BCL2L2: variants seen among roughly 807,000 people sequenced by gnomAD.
BCL2L2 encodes the protein BCL2 like 2.
A neutral mutation model predicts 14.6 loss-of-function variants in BCL2L2; 6 were observed. The ratio of observed to expected loss-of-function variants is 0.41; its 90% CI spans 0.22 to 0.81. The LOEUF (loss-of-function observed/expected upper bound fraction) is 0.81. Among genes scored for constraint, BCL2L2 ranks in the 30% least tolerant of loss-of-function variants. The pLI, the probability that BCL2L2 is intolerant of heterozygous loss-of-function variation, is 0.32. For synonymous variants in BCL2L2, 90 were observed against 108.5 expected (o/e 0.83, Z 1.06); for missense variants, 191 against 260.5 (o/e 0.73, Z 1.84).
Position 23,311,032 on chromosome 14 carries a change from C to G in BCL2L2, c.*2067C>G. On this transcript the variant is annotated 3_prime_UTR_variant, in exon 4 of 4. Transcript: ENST00000250405. The stretch of plus-strand genomic sequence containing the variant: ...CAGGACACATATCCCTGTTAGCATT[C>G]CCCGGGACCTTTAGCCAAGAGGAGC... 1.6e-6 allele frequency: 2 copies of G among 1,289,516 alleles called. No individual in the cohort carries two copies. The highest frequency in any genetic ancestry group is 2.5e-5 in the South Asian group (2 of 81,024). The allele number at this position is 1,289,516 out of a possible 1,614,324, so 79.9% of individuals were successfully genotyped here. A position where few individuals can be genotyped will look rare whatever the true frequency, so the allele number is the denominator to read the frequency against.
chr14:23,307,729 C>A, intron 2 of BCL2L2, 31 bp from the exon 3 acceptor site: 1 of 1,515,756 alleles, frequency 6.6e-7, no homozygotes, highest in South Asian at 1.3e-5. Flanking sequence ...TTCATATATT[C>A]ATGCCAGTCT....
In BCL2L2 at chr14:23,309,682, G is replaced by A. The variant is rs1289563337; in HGVS notation, c.*717G>A. ...GTGATTGGCAAGGCTTTGGAGAGAA[G>A]AGCAGTTCTGCAGCTGGCCTTGTTC... On this transcript the variant is annotated 3_prime_UTR_variant, in exon 4 of 4. Coordinates refer to ENST00000250405, the MANE Select transcript of BCL2L2 (RefSeq NM_004050.5). The A allele has an allele frequency of 3.0e-6, 3 of 985,546 alleles. No homozygotes were observed. Among genetic ancestry groups the A allele is most frequent in the Admixed American group, 6.1e-5 (1 of 16,276 alleles). 61.1% of individuals were successfully genotyped at this position (985,546 alleles called of 1,614,324 possible).
Position 23,311,048 on chromosome 14 carries a change from C to T in BCL2L2, c.*2083C>T, listed in dbSNP as rs1256906659. The T allele has an allele frequency of 7.8e-7, 1 of 1,289,472 alleles. No individual in the cohort carries two copies. The highest frequency in any genetic ancestry group is 2.1e-4 in the Middle Eastern group (1 of 4,686). 79.9% of individuals were successfully genotyped at this position (1,289,472 alleles called of 1,614,324 possible). A position where few individuals can be genotyped will look rare whatever the true frequency, so the allele number is the denominator to read the frequency against. Reference sequence around the variant, plus strand: ...GTTAGCATTCCCCGGGACCTTTAGCCAAGAGGAGCTGCAGGGACCATGGCC... The same window carrying T: ...GTTAGCATTCCCCGGGACCTTTAGCTAAGAGGAGCTGCAGGGACCATGGCC... On this transcript the variant is annotated 3_prime_UTR_variant, in exon 4 of 4. Transcript: ENST00000250405.
At position 23,309,053 on chromosome 14, in the gene BCL2L2, G is replaced by A. The variant is rs879080604; in HGVS notation, c.*88G>A. ...AAATGCCCTTGGAAGAAGTGGAGTT[G>A]GTGGATGGGTGGGCATGGAACAGGA... On this transcript the variant is annotated 3_prime_UTR_variant, in exon 4 of 4. Transcript: ENST00000250405. 1.2e-5 allele frequency: 15 copies of A among 1,292,612 alleles called. No individual in the cohort carries two copies. The South Asian group carries it at 3.7e-4, about 32-fold the overall frequency. The allele number at this position is 1,292,612 out of a possible 1,614,324, so 80.1% of individuals were successfully genotyped here.
chr14:23,311,355 A>AT lies in BCL2L2; in HGVS notation c.*2396dup. 9.2e-7 allele frequency: 1 copy of AT among 1,086,082 alleles called. No individual in the cohort carries two copies. Among genetic ancestry groups the AT allele is most frequent in the Non-Finnish European group, 1.1e-6 (1 of 891,032 alleles). 67.3% of individuals were successfully genotyped at this position (1,086,082 alleles called of 1,614,324 possible). ...GGTTCCCAATTTTTAAATCCATTTCATTTTTTAAAAAATAAGGGAAATAAA... is the reference window on the plus strand; with the variant it reads ...GGTTCCCAATTTTTAAATCCATTTCATTTTTTTAAAAAATAAGGGAAATAAA... On this transcript the variant is annotated 3_prime_UTR_variant, in exon 4 of 4. Transcript: ENST00000250405.
In BCL2L2 at chr14:23,309,345, G is replaced by C; in HGVS notation, c.*380G>C. 1 of 1,024,150 alleles carries C rather than the reference G, an allele frequency of 9.8e-7. No individual in the cohort carries two copies. Among genetic ancestry groups the C allele is most frequent in the Non-Finnish European group, 1.2e-6 (1 of 855,670 alleles). The allele number at this position is 1,024,150 out of a possible 1,614,324, so 63.4% of individuals were successfully genotyped here. ...AGATGAGTGGGATTTAGGGAACGCAGAAGGCACATCCCTTTGGAATGGAAG... is the reference window on the plus strand; with the variant it reads ...AGATGAGTGGGATTTAGGGAACGCACAAGGCACATCCCTTTGGAATGGAAG... On this transcript the variant is annotated 3_prime_UTR_variant, in exon 4 of 4. Coordinates refer to ENST00000250405, the MANE Select transcript of BCL2L2 (RefSeq NM_004050.5).
Position 23,308,264 on chromosome 14 carries a change from G to T in BCL2L2, c.432+65G>T. Reference sequence around the variant, plus strand: ...CAAAGCTGGTCTCCAGGGGGAAGATGGGGGCTCTGATTGGAGGCTGAGGCA... The same window carrying T: ...CAAAGCTGGTCTCCAGGGGGAAGATTGGGGCTCTGATTGGAGGCTGAGGCA... On this transcript the variant is annotated intron_variant, in intron 3 of 3. Coordinates refer to ENST00000250405, the MANE Select transcript of BCL2L2 (RefSeq NM_004050.5). This position sits in a 1 kb window ranked among gnomAD's most constrained non-coding sequence, Gnocchi z 5.4. 1 of 1,497,472 alleles carries T rather than the reference G, an allele frequency of 6.7e-7. No homozygotes were observed. Among genetic ancestry groups the T allele is most frequent in the South Asian group, 1.3e-5 (1 of 74,238 alleles). The allele number at this position is 1,497,472 out of a possible 1,614,324, so 92.8% of individuals were successfully genotyped here.
Position 23,310,361 on chromosome 14 carries a change from T to C in BCL2L2, c.*1396T>C. 2.0e-6 allele frequency: 2 copies of C among 988,476 alleles called. No homozygotes were observed. The highest frequency in any genetic ancestry group is 5.2e-4 in the Middle Eastern group (1 of 1,916). The allele number at this position is 988,476 out of a possible 1,614,324, so 61.2% of individuals were successfully genotyped here. On this transcript the variant is annotated 3_prime_UTR_variant, in exon 4 of 4. Transcript: ENST00000250405. Reference sequence around the variant, plus strand: ...CTTTCCAAGGTGCTAAGATTGCTGCTCTCCAATGCTAACTTTCTGACACAG... The same window carrying C: ...CTTTCCAAGGTGCTAAGATTGCTGCCCTCCAATGCTAACTTTCTGACACAG...
chr14:23,307,796 C>A lies in BCL2L2; in HGVS notation c.29C>A (p.Thr10Lys). The A allele has an allele frequency of 1.3e-6, 2 of 1,539,864 alleles. No homozygotes were observed. Among genetic ancestry groups the A allele is most frequent in the South Asian group, 1.3e-5 (1 of 79,296 alleles). The change falls in exon 3 of 4, where the codon ACA (threonine) becomes AAA (lysine). Residue 10 changes from threonine to lysine, a missense_variant. Transcript: ENST00000250405. MATPASAPD[T>K]RALVADFVGY... ...GCGACCCCAGCCTCGGCCCCAGACACACGGGCTCTGGTGGCAGACTTTGTA... is the reference window on the plus strand; with the variant it reads ...GCGACCCCAGCCTCGGCCCCAGACAAACGGGCTCTGGTGGCAGACTTTGTA...
In BCL2L2 at chr14:23,310,239, C is replaced by T. The variant is rs1268467267; in HGVS notation, c.*1274C>T. On this transcript the variant is annotated 3_prime_UTR_variant, in exon 4 of 4. Coordinates refer to ENST00000250405, the MANE Select transcript of BCL2L2 (RefSeq NM_004050.5). ...GTCTGAGGATGTTAACTTTGGAACT[C>T]GCAGTCCTCTAGAACAGCTTCAGAT... The T allele has an allele frequency of 2.1e-5, 21 of 985,862 alleles. No homozygotes were observed. Among genetic ancestry groups the T allele is most frequent in the East Asian group, 1.1e-4 (1 of 8,816 alleles). 61.1% of individuals were successfully genotyped at this position (985,862 alleles called of 1,614,324 possible).
rs2138425146 is a variant in BCL2L2 at position 23,308,453 on chromosome 14, G to T, written c.432+254G>T. ...ACACACCCAAGGAGTGCCTGCAGGG[G>T]AATGTTGTCAGGGACTTTTTACATC... On this transcript the variant is annotated intron_variant, in intron 3 of 3. Transcript: ENST00000250405. The surrounding 1 kb of genome is among the most constrained non-coding windows in gnomAD (Gnocchi z 5.4). Among the ~76,000 whole-genome samples, 1 of 152,266 alleles carries T rather than the reference G, an allele frequency of 6.6e-6. No individual in the cohort carries two copies. Among genetic ancestry groups the T allele is most frequent in the East Asian group, 1.9e-4 (1 of 5,170 alleles).
At position 23,311,544 on chromosome 14, in the gene BCL2L2, C is replaced by T. The variant is rs534947062; in HGVS notation, c.*2579C>T. On this transcript the variant is annotated 3_prime_UTR_variant, in exon 4 of 4. Transcript: ENST00000250405. The stretch of plus-strand genomic sequence containing the variant: ...CACTCCCCACTTATTCTAGGGCACA[C>T]AAACACTATTTTACTTTTTTAAAAT... 1 of 987,918 alleles carries T rather than the reference C, an allele frequency of 1.0e-6. No individual in the cohort carries two copies. The highest frequency in any genetic ancestry group is 1.2e-6 in the Non-Finnish European group (1 of 831,842). 61.2% of individuals were successfully genotyped at this position (987,918 alleles called of 1,614,324 possible).
In BCL2L2 at chr14:23,310,945, A is replaced by G; in HGVS notation, c.*1980A>G. 7.8e-7 allele frequency: 1 copy of G among 1,289,608 alleles called. No individual in the cohort carries two copies. Among genetic ancestry groups the G allele is most frequent in the East Asian group, 5.5e-5 (1 of 18,028 alleles). The allele number at this position is 1,289,608 out of a possible 1,614,324, so 79.9% of individuals were successfully genotyped here. A position where few individuals can be genotyped will look rare whatever the true frequency, so the allele number is the denominator to read the frequency against. On this transcript the variant is annotated 3_prime_UTR_variant, in exon 4 of 4. Transcript: ENST00000250405. ...AACCACTGACTAGACCATCGGCTCCAAATTGGAGTCTGTGCTTCCTTCCCC... is the reference window on the plus strand; with the variant it reads ...AACCACTGACTAGACCATCGGCTCCGAATTGGAGTCTGTGCTTCCTTCCCC...
Position 23,311,275 on chromosome 14 carries a change from C to T in BCL2L2, c.*2310C>T, listed in dbSNP as rs1002373263. 2.0e-5 allele frequency: 24 copies of T among 1,186,742 alleles called. No individual in the cohort carries two copies. The African/African-American group carries it at 3.6e-4, about 18-fold the overall frequency. The allele number at this position is 1,186,742 out of a possible 1,614,324, so 73.5% of individuals were successfully genotyped here. ...TCTGTCAGGGAAAACTAGGGACTCT[C>T]TTCTAGAGCCATATAGTTCCTTGGG... On this transcript the variant is annotated 3_prime_UTR_variant, in exon 4 of 4. Coordinates refer to ENST00000250405, the MANE Select transcript of BCL2L2 (RefSeq NM_004050.5).
Position 23,309,148 on chromosome 14 carries a change from C to G in BCL2L2, c.*183C>G. On this transcript the variant is annotated 3_prime_UTR_variant, in exon 4 of 4. Transcript: ENST00000250405. ...TAGGCGATTGGAAGAGTGAGCAGGA[C>G]ACAGAGGGGAGGGGAATGTTTTGGC... is the stretch of plus-strand genomic sequence containing the variant. 1 of 1,220,406 alleles carries G rather than the reference C, an allele frequency of 8.2e-7. No homozygotes were observed. The highest frequency in any genetic ancestry group is 1.0e-6 in the Non-Finnish European group (1 of 976,044). The allele number at this position is 1,220,406 out of a possible 1,614,324, so 75.6% of individuals were successfully genotyped here. A position where few individuals can be genotyped will look rare whatever the true frequency, so the allele number is the denominator to read the frequency against.
At position 23,309,106 on chromosome 14, in the gene BCL2L2, G is replaced by T. The variant is rs1376791688; in HGVS notation, c.*141G>T. On this transcript the variant is annotated 3_prime_UTR_variant, in exon 4 of 4. Transcript: ENST00000250405. ...GGCAGAGAAAGGGTAGTGTGTGAGGGAGCTGAGTAGGCCAGGTAGGCGATT... is the reference window on the plus strand; with the variant it reads ...GGCAGAGAAAGGGTAGTGTGTGAGGTAGCTGAGTAGGCCAGGTAGGCGATT... The T allele has an allele frequency of 2.4e-6, 3 of 1,249,654 alleles. No homozygotes were observed. The highest frequency in any genetic ancestry group is 3.0e-6 in the Non-Finnish European group (3 of 990,344). The allele number at this position is 1,249,654 out of a possible 1,614,324, so 77.4% of individuals were successfully genotyped here.
chr14:23,308,420 G>A lies in BCL2L2; in HGVS notation c.432+221G>A, dbSNP rs1887391614. 6.6e-6 allele frequency among the ~76,000 whole-genome samples: 1 copy of A among 152,112 alleles called. No individual in the cohort carries two copies. The highest frequency in any genetic ancestry group is 1.5e-5 in the Non-Finnish European group (1 of 68,022). ...GATGGGCTCATGGTCCCAAGCAGAGGACAGAATACACACCCAAGGAGTGCC... is the reference window on the plus strand; with the variant it reads ...GATGGGCTCATGGTCCCAAGCAGAGAACAGAATACACACCCAAGGAGTGCC... On this transcript the variant is annotated intron_variant, in intron 3 of 3. Coordinates refer to ENST00000250405, the MANE Select transcript of BCL2L2 (RefSeq NM_004050.5). The surrounding 1 kb of genome is among the most constrained non-coding windows in gnomAD (Gnocchi z 5.4).
At chr14:23,307,644 G>A in intron 2 of BCL2L2, 116 bp from the exon 3 acceptor site, 1 of 1,370,856 alleles carries the variant, frequency 7.3e-7, no homozygotes, top group Non-Finnish European at 9.7e-7. Flanking sequence ...CCTGTCCAGT[G>A]AGTCCTGAGC....
At position 23,308,333 on chromosome 14, in the gene BCL2L2, A is replaced by T; in HGVS notation, c.432+134A>T. 1.6e-6 allele frequency: 2 copies of T among 1,282,662 alleles called. No individual in the cohort carries two copies. The highest frequency in any genetic ancestry group is 2.5e-5 in the East Asian group (1 of 39,260). The allele number at this position is 1,282,662 out of a possible 1,614,324, so 79.5% of individuals were successfully genotyped here. On this transcript the variant is annotated intron_variant, in intron 3 of 3. Coordinates refer to ENST00000250405, the MANE Select transcript of BCL2L2 (RefSeq NM_004050.5). The surrounding 1 kb of genome is among the most constrained non-coding windows in gnomAD (Gnocchi z 5.4). ...TACGGGGCTGAGTCTCCCCGTCTGG[A>T]TGGAATTAGATTGAGAGATGCCTGG...
Sources: allele counts gnomAD v4.1 joint callset (sites outside exome capture counted in the v4.1 genomes callset), GRCh38; gene constraint gnomAD v4.1.1; non-coding constraint Gnocchi (gnomAD v3.1); transcripts MANE v1.5; gene names NCBI Gene and HGNC (gene_info 2026-07-23, HGNC 2026-07-21).